The following BCL11A variants were observed in gnomAD, a reference collection of about 807,000 sequenced individuals.
BCL11A encodes the protein BCL11 transcription factor A.
Under a neutral mutation model 55.9 loss-of-function variants are expected in BCL11A, and 2 were observed. That is an observed-to-expected ratio of 0.04 (90% CI 0.01 to 0.11). The LOEUF is 0.11. Among genes scored for constraint, BCL11A ranks in the 10% least tolerant of loss-of-function variants. The pLI, the probability that BCL11A is intolerant of heterozygous loss-of-function variation, is 1.00. For missense variants in BCL11A, 817 were observed against 1,137.1 expected (o/e 0.72, Z 4.05); for synonymous variants, 465 against 473.4 (o/e 0.98, Z 0.23).
At chr2:60,543,129 T>G (rs1330183323) in intron 2 of BCL11A, 1 of 151,788 alleles carries the variant, frequency 6.6e-6, no homozygotes, top group African/African-American at 2.4e-5. Flanking sequence ...TGCCTTATTC[T>G]CCTATCTGAA....
At chr2:60,531,627 G>A (rs151241010) in intron 2 of BCL11A, among the ~76,000 whole-genome samples, 294 of 152,230 alleles carry the variant, frequency 1.9e-3, no homozygotes, top group African/African-American at 6.7e-3. Flanking sequence ...ATACACTTTG[G>A]CAGGACTCAG....
intron 2 of BCL11A, among the ~76,000 whole-genome samples, chr2:60,507,991 C>T (rs1481917895): frequency 6.6e-6 from 1 of 152,130 alleles, no homozygotes; most frequent in Non-Finnish European, 1.5e-5. Flanking sequence ...ATATGGTCTT[C>T]GGTGTTGGTT....
At chr2:60,481,841 A>G (rs1677978063) in intron 2 of BCL11A, among the ~76,000 whole-genome samples, 1 of 152,168 alleles carries the variant, frequency 6.6e-6, no homozygotes, top group Non-Finnish European at 1.5e-5. Context: ...TGAGCTCAGC[A>G]TGCTCTCTGG....
intron 2 of BCL11A, among the ~76,000 whole-genome samples, chr2:60,506,360 C>A (rs2104443622): frequency 6.6e-6 from 1 of 152,352 alleles, no homozygotes; most frequent in South Asian, 2.1e-4. Context: ...GCCAGCGGCC[C>A]CCATTCTGGT....
At chr2:60,539,015 T>C (rs189707086) in intron 2 of BCL11A, among the ~76,000 whole-genome samples, 3 of 152,246 alleles carry the variant, frequency 2.0e-5, no homozygotes, top group East Asian at 1.9e-4. Flanking sequence ...GGGAGACAAC[T>C]CCAAGAGAAG....
At chr2:60,499,257 C>T (rs1664659453) in intron 2 of BCL11A, among the ~76,000 whole-genome samples, 1 of 152,244 alleles carries the variant, frequency 6.6e-6, no homozygotes. Flanking sequence ...AGCGCCCTTC[C>T]GTCACTCCCA....
intron 2 of BCL11A, chr2:60,537,915 T>C (rs1262408290): frequency 6.6e-6 from 1 of 152,242 alleles, no homozygotes; most frequent in African/African-American, 2.4e-5. Context: ...GATTCGCCTC[T>C]ATCTAAAACT....
At chr2:60,532,313 CTTTTTGG>C (rs1305805836) in intron 2 of BCL11A, among the ~76,000 whole-genome samples, 4 of 146,092 alleles carry the variant, frequency 2.7e-5, no homozygotes, top group South Asian at 2.2e-4. Context: ...GTGGTTGTTG[CTTTTTGG>C]TTTTTGGGTT....
intron 2 of BCL11A, chr2:60,528,183 CTGTA>C (rs963741326): frequency 6.5e-6 from 1 of 152,678 alleles, no homozygotes; most frequent in Non-Finnish European, 1.5e-5. Context: ...CTCTCCCTCC[CTGTA>C]TAATTCTGAT....
At chr2:60,513,101 A>G (rs1668558571) in intron 2 of BCL11A, among the ~76,000 whole-genome samples, 2 of 152,150 alleles carry the variant, frequency 1.3e-5, no homozygotes. Context: ...AGGGATCATG[A>G]GGACTCACCA....
At chr2:60,495,008 A>G (rs1175242782) in intron 2 of BCL11A, among the ~76,000 whole-genome samples, 1 of 152,222 alleles carries the variant, frequency 6.6e-6, no homozygotes, top group East Asian at 1.9e-4. Context: ...CGACAGATGA[A>G]AAATGGACAA....
At chr2:60,542,720 AG>A (rs1446051110) in intron 2 of BCL11A, 1 of 152,274 alleles carries the variant, frequency 6.6e-6, no homozygotes, top group African/African-American at 2.4e-5. Flanking sequence ...CCAGGTAAAA[AG>A]AATCCTCTAA....
upstream of BCL11A, chr2:60,553,805 T>G (rs1320146640): frequency 1.5e-5 from 1 of 68,490 alleles, no homozygotes; most frequent in Non-Finnish European, 2.8e-5. Flanking sequence ...GGCGGGGGGC[T>G]CCGCGGACGC....
chr2:60,486,287 C>G (rs1170355303), intron 2 of BCL11A, among the ~76,000 whole-genome samples: 2 of 152,206 alleles, frequency 1.3e-5, no homozygotes, highest in Non-Finnish European at 2.9e-5. Flanking sequence ...AAGTGAGACA[C>G]CAATCACAGC....
At position 60,459,734 on chromosome 2, in the gene BCL11A, T is replaced by C; in HGVS notation, c.*670A>G. 9.6e-7 allele frequency: 1 copy of C among 1,039,154 alleles called. No individual in the cohort carries two copies. Among genetic ancestry groups the C allele is most frequent in the Non-Finnish European group, 1.2e-6 (1 of 862,440 alleles). The allele number at this position is 1,039,154 out of a possible 1,614,324, so 64.4% of individuals were successfully genotyped here. On this transcript the variant is annotated 3_prime_UTR_variant, in exon 4 of 4. Transcript: ENST00000642384. ...AACTTGTTCTGTTTTTCTGTTAATT[T>C]GTCAATTCAAGGCCTTTTTTCTTCC...
rs1246875688 is a variant in BCL11A at position 60,542,065 on chromosome 2, G to C, written c.385+3906C>G. ...AATTACTATATCTCCCTTCTTTAGA[G>C]TATCTGTCTGATATATCATTATCTA... On this transcript the variant is annotated intron_variant, in intron 2 of 3. Coordinates refer to ENST00000642384, the MANE Select transcript of BCL11A (RefSeq NM_022893.4). 2.8e-5 allele frequency: 16 copies of C among 564,426 alleles called. No individual in the cohort carries two copies. In the East Asian group the frequency reaches 4.7e-4, roughly 16 times the overall value. The allele number at this position is 564,426 out of a possible 1,614,324, so 35.0% of individuals were successfully genotyped here. A position where few individuals can be genotyped will look rare whatever the true frequency, so the allele number is the denominator to read the frequency against.
intron 2 of BCL11A, among the ~76,000 whole-genome samples, chr2:60,501,505 C>CTTTTTT (rs11366853): frequency 4.2e-5 from 5 of 119,716 alleles, no homozygotes; most frequent in African/African-American, 9.5e-5. Flanking sequence ...ACACCGCTTT[C>CTTTTTT]TTTTTTTTTT....
At chr2:60,505,502 T>C (rs1200961797) in intron 2 of BCL11A, among the ~76,000 whole-genome samples, 2 of 152,204 alleles carry the variant, frequency 1.3e-5, no homozygotes, top group Non-Finnish European at 2.9e-5. Context: ...AAGCGGGTGC[T>C]TTCCTGTCCT....
At chr2:60,469,535 C>A (rs987827396) in intron 2 of BCL11A, among the ~76,000 whole-genome samples, 5 of 152,162 alleles carry the variant, frequency 3.3e-5, no homozygotes, top group African/African-American at 1.2e-4. Context: ...ATAACTTTGA[C>A]CATTAAATGA....
Sources: allele counts gnomAD v4.1 joint callset (sites outside exome capture counted in the v4.1 genomes callset), GRCh38; gene constraint gnomAD v4.1.1; transcripts MANE v1.5; gene names NCBI Gene and HGNC (gene_info 2026-07-23, HGNC 2026-07-21).